The following VWA2 variants were observed in gnomAD, a reference collection of about 807,000 sequenced individuals.
The protein encoded by VWA2 is von Willebrand factor A domain containing 2, also known as von Willebrand factor A domain-containing protein 2.
In VWA2, 73 loss-of-function variants were observed where a neutral mutation model predicts 70.4. The ratio of observed to expected loss-of-function variants is 1.04; its 90% CI spans 0.86 to 1.26. VWA2 has a LOEUF of 1.26. VWA2 is among the 50% of genes most tolerant of loss of function. The pLI, the probability that VWA2 is intolerant of heterozygous loss-of-function variation, is 0.00. For synonymous variants in VWA2, 407 were observed against 423.3 expected (o/e 0.96, Z 0.47); for missense variants, 1,011 against 998.5 (o/e 1.01, Z -0.17).
Position 114,253,656 on chromosome 10 carries a change from C to T in VWA2, c.58C>T (p.Pro20Ser). The T allele has an allele frequency of 6.2e-6, 10 of 1,612,010 alleles. No homozygotes were observed. The South Asian group carries it at 7.7e-5, about 12-fold the overall frequency. Residue 20 changes from proline (P) to serine (S), a missense_variant, in exon 3 of 14, where the codon CCA (proline) becomes TCA (serine). Pro to Ser is a moderately conservative substitution (Grantham distance 74). Transcript: ENST00000392982. ...TCTGGTGTTTTCTCTCCTAGTGCCC[C>T]CATCTCTCCCTCTCCAGGAAGTCCA... The part of the protein sequence containing the change: ...VCVFLFSRVP[P>S]SLPLQEVHVS...
Position 114,272,939 on chromosome 10 carries a change from G to A in VWA2, c.566+5G>A, listed in dbSNP as rs775679446. 1.4e-5 allele frequency: 23 copies of A among 1,607,172 alleles called. No homozygotes were observed. Among genetic ancestry groups the A allele is most frequent in the Admixed American group, 8.4e-5 (5 of 59,638 alleles). ...TGTGGGGGTCAGGTTTCCCAGGTAA[G>A]AGCCTCAGTCACCCTGGATCAGCCC... is the stretch of plus-strand genomic sequence containing the variant. On this transcript the variant is annotated splice_donor_5th_base_variant and intron_variant, in intron 6 of 13. Transcript: ENST00000392982.
At chr10:114,264,430 T>C (rs950987310) in intron 5 of VWA2, among the ~76,000 whole-genome samples, 3 of 152,148 alleles carry the variant, frequency 2.0e-5, no homozygotes, top group Non-Finnish European at 4.4e-5. Flanking sequence ...TTTCTTTTTT[T>C]TTTTTGAGAT....
chr10:114,241,638 G>A (rs955435253), intron 1 of VWA2, among the ~76,000 whole-genome samples: 2 of 152,116 alleles, frequency 1.3e-5, no homozygotes, highest in African/African-American at 4.8e-5. Flanking sequence ...ATCTTACAAA[G>A]CATTGTCCTC....
chr10:114,285,461 G>A (rs2038748971), intron 10 of VWA2, among the ~76,000 whole-genome samples: 1 of 152,228 alleles, frequency 6.6e-6, no homozygotes, highest in Non-Finnish European at 1.5e-5. Flanking sequence ...AGGGCTTGAT[G>A]AATAATAACT....
At chr10:114,281,426 G>C (rs2038106660) in intron 8 of VWA2, among the ~76,000 whole-genome samples, 1 of 152,216 alleles carries the variant, frequency 6.6e-6, no homozygotes, top group South Asian at 2.1e-4. Flanking sequence ...CTGTGTTCCG[G>C]TAATTATGTG....
intron 1 of VWA2, among the ~76,000 whole-genome samples, chr10:114,242,750 A>T (rs962786966): frequency 2.0e-5 from 3 of 152,246 alleles, no homozygotes; most frequent in African/African-American, 7.2e-5. Context: ...ATCTATAAAG[A>T]TGTAAATGAT....
In VWA2 at chr10:114,260,744, T is replaced by G. The variant is rs192801310; in HGVS notation, c.262-442T>G. Among the ~76,000 whole-genome samples, 18 of 152,330 alleles carry G rather than the reference T, an allele frequency of 1.2e-4. No individual in the cohort carries two copies. The East Asian group carries it at 2.9e-3, about 25-fold the overall frequency. On this transcript the variant is annotated intron_variant, in intron 4 of 13. Coordinates refer to ENST00000392982, the MANE Select transcript of VWA2 (RefSeq NM_001272046.2). Reference sequence around the variant, plus strand: ...ATTTGCCTTGGGCCAGAGGTATATATTCTCCATATTGGGGTTTCTCCAACC... The same window carrying G: ...ATTTGCCTTGGGCCAGAGGTATATAGTCTCCATATTGGGGTTTCTCCAACC...
At chr10:114,272,226 G>T (rs2037725747) in intron 5 of VWA2, among the ~76,000 whole-genome samples, 1 of 152,214 alleles carries the variant, frequency 6.6e-6, no homozygotes, top group Non-Finnish European at 1.5e-5. Context: ...CAGCCTTCCA[G>T]CTCCCAACCC....
intron 5 of VWA2, among the ~76,000 whole-genome samples, chr10:114,271,226 AAAGT>A (rs2037701026): frequency 6.6e-6 from 1 of 152,184 alleles, no homozygotes; most frequent in African/African-American, 2.4e-5. Flanking sequence ...GGTTGAAAAA[AAAGT>A]AAGTAAATTT....
At chr10:114,263,190 A>G (rs1163707067) in intron 5 of VWA2, among the ~76,000 whole-genome samples, 1 of 150,504 alleles carries the variant, frequency 6.6e-6, no homozygotes, top group East Asian at 2.0e-4. Context: ...TAATTTTTCT[A>G]TTTTTGTAGA....
intron 5 of VWA2, among the ~76,000 whole-genome samples, chr10:114,267,014 A>C (rs535678576): frequency 3.3e-5 from 5 of 152,232 alleles, no homozygotes; most frequent in Admixed American, 6.5e-5. Context: ...CAATATATTT[A>C]ATTATTCTCC....
Position 114,255,792 on chromosome 10 carries a change from A to G in VWA2, c.261+744A>G, listed in dbSNP as rs185518181. Reference sequence around the variant, plus strand: ...GGGCATTTTTTTTTTTAACAATCCAATAGAAAAATGGGCAAGGAACACAGA... The same window carrying G: ...GGGCATTTTTTTTTTTAACAATCCAGTAGAAAAATGGGCAAGGAACACAGA... On this transcript the variant is annotated intron_variant, in intron 4 of 13. Transcript: ENST00000392982. 1.4e-3 allele frequency among the ~76,000 whole-genome samples: 213 copies of G among 152,150 alleles called. 1 individual carries two copies. Among genetic ancestry groups the G allele is most frequent in the African/African-American group, 4.7e-3 (196 of 41,492 alleles).
At chr10:114,270,405 G>A (rs1385097829) in intron 5 of VWA2, among the ~76,000 whole-genome samples, 1 of 152,170 alleles carries the variant, frequency 6.6e-6, no homozygotes, top group Non-Finnish European at 1.5e-5. Context: ...CTAAACATGG[G>A]TTGAGCACAG....
intron 4 of VWA2, among the ~76,000 whole-genome samples, chr10:114,259,795 C>T (rs1286320620): frequency 6.6e-6 from 1 of 152,174 alleles, no homozygotes; most frequent in African/African-American, 2.4e-5. Flanking sequence ...GAAGCTTCTT[C>T]CTGAGATCAC....
At chr10:114,258,184 TTA>T (rs2037370399) in intron 4 of VWA2, among the ~76,000 whole-genome samples, 2 of 152,214 alleles carry the variant, frequency 1.3e-5, no homozygotes, top group African/African-American at 4.8e-5. Context: ...GCTTCAGGCT[TTA>T]TGTTTTTGCT....
chr10:114,291,916 A>G lies in VWA2; in HGVS notation c.*679A>G, dbSNP rs1263158883. On this transcript the variant is annotated 3_prime_UTR_variant, in exon 14 of 14. Transcript: ENST00000392982. The stretch of plus-strand genomic sequence containing the variant: ...GAGGGGCTGAGTGTGCAATGGGCCC[A>G]GGTCTGGAGGGGCCACGTAAAATCG... Among the ~76,000 whole-genome samples the G allele has an allele frequency of 6.6e-6, 1 of 152,152 alleles. No homozygotes were observed. Among genetic ancestry groups the G allele is most frequent in the African/African-American group, 2.4e-5 (1 of 41,428 alleles).
intron 8 of VWA2, among the ~76,000 whole-genome samples, chr10:114,281,428 A>G (rs181277977): frequency 2.2e-4 from 33 of 152,280 alleles, no homozygotes; most frequent in Admixed American, 1.2e-3. Context: ...GTGTTCCGGT[A>G]ATTATGTGAC....
intron 1 of VWA2, chr10:114,246,060 C>T (rs2037060713): frequency 6.5e-6 from 3 of 464,304 alleles, no homozygotes; most frequent in African/African-American, 2.1e-5. Context: ...CCCTGGACTA[C>T]CTGCCCCCGC....
intron 1 of VWA2, among the ~76,000 whole-genome samples, chr10:114,240,162 G>C (rs1394211686): frequency 6.6e-6 from 1 of 152,206 alleles, no homozygotes; most frequent in African/African-American, 2.4e-5. Context: ...CCTCGCGCTT[G>C]GGCAGTGGGA....
Sources: gnomAD v4.1 joint callset for allele counts (sites outside exome capture counted in the v4.1 genomes callset) on GRCh38, gnomAD v4.1.1 for gene constraint, MANE v1.5 for transcripts, NCBI Gene and HGNC (gene_info 2026-07-23, HGNC 2026-07-21) for gene names.